The following ZNF618 variants were observed in gnomAD, a reference collection of about 807,000 sequenced individuals.
ZNF618 encodes the protein neural precursor cell expressed, developmentally down-regulated 10.
In ZNF618, 34 loss-of-function variants were observed where a neutral mutation model predicts 103.0. That is an observed-to-expected ratio of 0.33 (90% CI 0.25 to 0.44). The LOEUF (loss-of-function observed/expected upper bound fraction) is 0.44, where lower values mean the gene tolerates loss of function less well. Among genes scored for constraint, ZNF618 ranks in the 20% least tolerant of loss-of-function variants. The probability of loss-of-function intolerance (pLI) is 1.00; values close to 1 mark genes in which losing one functional copy is unlikely to be tolerated. For missense variants in ZNF618, 1,059 were observed against 1,295.4 expected, an observed-to-expected ratio of 0.82 and a Z score of 2.80; for synonymous variants, 551 against 542.2, an observed-to-expected ratio of 1.02 and a Z score of -0.23.
At chr9:113,917,433 T>C (rs1832230689) in intron 1 of ZNF618, among the ~76,000 whole-genome samples, 1 of 151,668 alleles carries the variant, frequency 6.6e-6, no homozygotes, top group Non-Finnish European at 1.5e-5. Flanking sequence ...TTTAAATCTT[T>C]TGTAGAGGCG....
intron 1 of ZNF618, among the ~76,000 whole-genome samples, chr9:113,948,767 TGTG>T (rs1835281750): frequency 6.6e-6 from 1 of 152,094 alleles, no homozygotes; most frequent in Non-Finnish European, 1.5e-5. Context: ...TCCCTGATGT[TGTG>T]GTGGTGGCTA....
At chr9:113,954,549 C>G (rs531704471) in intron 1 of ZNF618, among the ~76,000 whole-genome samples, 1 of 152,258 alleles carries the variant, frequency 6.6e-6, no homozygotes, top group South Asian at 2.1e-4. Context: ...CAAGGCAGTT[C>G]TTGCTGATGA....
intron 1 of ZNF618, among the ~76,000 whole-genome samples, chr9:113,947,178 T>C (rs7036520): frequency 6.8e-4 from 104 of 152,296 alleles, no homozygotes; most frequent in African/African-American, 2.5e-3. Context: ...GAATCTGTCT[T>C]GGGGCTCTTT....
rs762908667 is a variant in ZNF618, at chr9:114,007,392, A to G, written c.593A>G (p.Lys198Arg). 6.2e-7 allele frequency: 1 copy of G among 1,613,660 alleles called. No individual in the cohort carries two copies. Among genetic ancestry groups the G allele is most frequent in the Admixed American group, 1.7e-5 (1 of 60,016 alleles). ...TGTGATATCTGCGGGAAGAAGTACA[A>G]ATACTACAGCTGTTTCCAAGAGCAC... is the stretch of plus-strand genomic sequence containing the variant. The part of the protein sequence containing the change: ...YTCDICGKKY[K>R]YYSCFQEHRD... Residue 198 changes from lysine to arginine, a missense_variant, in exon 7 of 15, where the codon AAA becomes AGA. Physicochemically the swap from Lys to Arg is conservative, Grantham distance 26. Around this residue, in one of 6 missense-constraint regions of ZNF618, gnomAD observed 434 missense variants for 476.0 expected, o/e 0.91. Coordinates refer to ENST00000374126, the MANE Select transcript of ZNF618 (RefSeq NM_001318042.2).
chr9:113,921,852 C>T (rs1056569064), intron 1 of ZNF618, among the ~76,000 whole-genome samples: 2 of 152,142 alleles, frequency 1.3e-5, no homozygotes, highest in Admixed American at 1.3e-4. Context: ...TCGGATGCTT[C>T]CTTTGTATAA....
chr9:113,905,443 T>C (rs1218188115), intron 1 of ZNF618, among the ~76,000 whole-genome samples: 2 of 152,248 alleles, frequency 1.3e-5, no homozygotes, highest in Non-Finnish European at 2.9e-5. Context: ...CTTCTGTTTT[T>C]GTAAATAAAA....
chr9:113,897,750 C>T (rs1007856424), intron 1 of ZNF618, among the ~76,000 whole-genome samples: 28 of 152,096 alleles, frequency 1.8e-4, no homozygotes, highest in Admixed American at 4.6e-4. Flanking sequence ...ACTGACAGTT[C>T]TGCCCTTTAC....
intron 11 of ZNF618, 136 bp downstream of exon 11, chr9:114,029,108 G>T: frequency 6.1e-6 from 8 of 1,306,126 alleles, no homozygotes; most frequent in Non-Finnish European, 8.2e-6. Context: ...ACAAATCTGA[G>T]TCCCAGCTCT....
intron 1 of ZNF618, among the ~76,000 whole-genome samples, chr9:113,910,095 A>G (rs1040441410): frequency 6.6e-6 from 1 of 151,816 alleles, no homozygotes; most frequent in Non-Finnish European, 1.5e-5. Context: ...GCCTATTTTT[A>G]TGAACTCACC....
chr9:113,931,799 A>G (rs897903261), intron 1 of ZNF618, among the ~76,000 whole-genome samples: 4 of 152,244 alleles, frequency 2.6e-5, no homozygotes, highest in African/African-American at 4.8e-5. Context: ...AAAAAATACA[A>G]TAGTAAAATT....
rs1846178413 is a variant in ZNF618 at position 114,052,192 on chromosome 9, G to A, written c.*2025G>A. The A allele has an allele frequency of 6.6e-6, 1 of 152,668 alleles. No homozygotes were observed. The highest frequency in any genetic ancestry group is 1.5e-5 in the Non-Finnish European group (1 of 68,086). 9.5% of individuals were successfully genotyped at this position (152,668 alleles called of 1,614,324 possible). ...ATGAAGGCTTAGGATCATGGACCTG[G>A]AACATAGTGTTTGGGGGCCAAGCCT... On this transcript the variant is annotated 3_prime_UTR_variant, in exon 15 of 15. Coordinates refer to ENST00000374126, the MANE Select transcript of ZNF618 (RefSeq NM_001318042.2).
intron 2 of ZNF618, among the ~76,000 whole-genome samples, chr9:113,972,317 G>A (rs567700713): frequency 6.6e-6 from 1 of 152,268 alleles, no homozygotes; most frequent in Non-Finnish European, 1.5e-5. Flanking sequence ...CCAAAGTGCT[G>A]GGATTACAGA....
chr9:114,038,238 C>A (rs573591150), intron 13 of ZNF618, among the ~76,000 whole-genome samples: 1 of 152,330 alleles, frequency 6.6e-6, no homozygotes, highest in South Asian at 2.1e-4. Context: ...CTGCCAGCTT[C>A]TGGAAGCTGA....
At chr9:114,007,671 A>G (rs768652367) in intron 7 of ZNF618, among the ~76,000 whole-genome samples, 1 of 152,222 alleles carries the variant, frequency 6.6e-6, no homozygotes, top group Non-Finnish European at 1.5e-5. Context: ...TGCCATTTTT[A>G]TAGGTCAAAA....
intron 1 of ZNF618, among the ~76,000 whole-genome samples, chr9:113,951,536 T>TGC (rs1835729923): frequency 2.6e-5 from 2 of 77,008 alleles, no homozygotes; most frequent in African/African-American, 8.0e-5. Flanking sequence ...CATATGTGTG[T>TGC]ACATATGTAC....
chr9:114,031,718 G>A (rs1003909488), intron 11 of ZNF618, among the ~76,000 whole-genome samples: 3 of 152,176 alleles, frequency 2.0e-5, no homozygotes, highest in Admixed American at 6.5e-5. Context: ...CAGACTTTGC[G>A]GAGCCTTTGA....
chr9:113,979,646 G>A (rs1838802275), intron 2 of ZNF618, among the ~76,000 whole-genome samples: 2 of 152,370 alleles, frequency 1.3e-5, no homozygotes, highest in South Asian at 4.1e-4. Flanking sequence ...GGTGCCTCCA[G>A]TGCCATGCTG....
chr9:113,911,778 C>A (rs1353739434), intron 1 of ZNF618, among the ~76,000 whole-genome samples: 1 of 152,138 alleles, frequency 6.6e-6, no homozygotes, highest in Non-Finnish European at 1.5e-5. Context: ...GGTGGCTGTA[C>A]CCTCGACAGC....
rs559209355 is a variant in ZNF618, at chr9:113,895,698, G to A, written c.33+19285G>A. Among the ~76,000 whole-genome samples, 5 of 152,226 alleles carry A rather than the reference G, an allele frequency of 3.3e-5. No individual in the cohort carries two copies. The South Asian group carries it at 8.3e-4, about 25-fold the overall frequency. ...CCTTGTCATGTGTAAACAATTTAGT[G>A]TTTTGTAAGAGTGTAGGAAATGAGG... On this transcript the variant is annotated intron_variant, in intron 1 of 14. Coordinates refer to ENST00000374126, the MANE Select transcript of ZNF618 (RefSeq NM_001318042.2).
Sources: allele counts gnomAD v4.1 joint callset (sites outside exome capture counted in the v4.1 genomes callset), GRCh38; gene constraint gnomAD v4.1.1; regional missense constraint gnomAD v4.1.1; transcripts MANE v1.5; gene names NCBI Gene and HGNC (gene_info 2026-07-23, HGNC 2026-07-21).